LYSMD2: variants seen among roughly 807,000 people sequenced by gnomAD.
LYSMD2 encodes LysM domain containing 2.
A neutral mutation model predicts 17.7 loss-of-function variants in LYSMD2; 6 were observed. The observed-to-expected ratio is 0.34, with a 90% CI of 0.19 to 0.67. The LOEUF (loss-of-function observed/expected upper bound fraction) is 0.67, where lower values mean the gene tolerates loss of function less well. Ranked by LOEUF, LYSMD2 falls within the 30% of genes least tolerant of loss-of-function variation. The pLI is 0.69. For missense variants in LYSMD2, 237 were observed against 286.7 expected (o/e 0.83, Z 1.25); for synonymous variants, 102 against 129.8 (o/e 0.79, Z 1.45).
chr15:51,751,319 G>GA, exon 1 of LYSMD2: 1 of 702,676 alleles, frequency 1.4e-6, no homozygotes, highest in Non-Finnish European at 2.6e-6. Flanking sequence ...TCGCTCACAG[G>GA]AATGCTCATC....
At chr15:51,747,775 A>G (rs954734255) in intron 1 of LYSMD2, among the ~76,000 whole-genome samples, 1 of 152,216 alleles carries the variant, frequency 6.6e-6, no homozygotes, top group African/African-American at 2.4e-5. Flanking sequence ...ATCATTTAAC[A>G]TGATCATGAT....
rs759402003 is a variant in LYSMD2, at chr15:51,723,644, T to C, written c.611A>G (p.Glu204Gly). 1 of 1,601,342 alleles carries C rather than the reference T, an allele frequency of 6.2e-7. No homozygotes were observed. The highest frequency in any genetic ancestry group is 1.1e-5 in the South Asian group (1 of 89,270). The change falls in exon 3 of 3, where the codon GAA becomes GGA. Residue 204 changes from glutamate (E) to glycine (G), a missense_variant. Transcript: ENST00000267838. ...GAGGGAAGTTGCATAGGGACTTTCT[T>C]CATCTCTGAAAGAAAATAAATACAG... is the stretch of plus-strand genomic sequence containing the variant. ...AKKLKEESRDEESPYATSLYH... is the reference protein window; with the variant it reads ...AKKLKEESRDGESPYATSLYH...
At chr15:51,743,778 C>G (rs1213029503) in intron 1 of LYSMD2, among the ~76,000 whole-genome samples, 1 of 152,156 alleles carries the variant, frequency 6.6e-6, no homozygotes, top group Non-Finnish European at 1.5e-5. Context: ...TTATTCATAT[C>G]TTCTTTTATT....
exon 1 of LYSMD2, chr15:51,751,350 C>T: frequency 1.4e-6 from 1 of 702,370 alleles, no homozygotes; most frequent in Non-Finnish European, 2.6e-6. Context: ...AAGCCTTTGC[C>T]ATCCACGCTC....
intron 1 of LYSMD2, among the ~76,000 whole-genome samples, chr15:51,729,423 A>G (rs1237921897): frequency 1.3e-5 from 2 of 152,150 alleles, no homozygotes; most frequent in African/African-American, 4.8e-5. Flanking sequence ...AAATGGTGAA[A>G]CGATGTTTTC....
chr15:51,736,343 C>T (rs2055608515), intron 1 of LYSMD2, among the ~76,000 whole-genome samples: 1 of 152,198 alleles, frequency 6.6e-6, no homozygotes, highest in Admixed American at 6.5e-5. Context: ...TGGGGCTCTC[C>T]ATGGCATGAT....
intron 1 of LYSMD2, among the ~76,000 whole-genome samples, chr15:51,749,536 T>C (rs1309280678): frequency 1.3e-5 from 2 of 152,234 alleles, no homozygotes; most frequent in African/African-American, 2.4e-5. Context: ...AGGAATACTC[T>C]ATTCGTTTTA....
rs1190708782 is a variant in LYSMD2 at position 51,723,129 on chromosome 15, G to A, written c.*478C>T. The A allele has an allele frequency of 6.6e-6, 1 of 151,274 alleles. No homozygotes were observed. Among genetic ancestry groups the A allele is most frequent in the African/African-American group, 2.4e-5 (1 of 41,182 alleles). 9.4% of individuals were successfully genotyped at this position (151,274 alleles called of 1,614,324 possible). On this transcript the variant is annotated 3_prime_UTR_variant, in exon 3 of 3. Coordinates refer to ENST00000267838, the MANE Select transcript of LYSMD2 (RefSeq NM_153374.3). ...TGTAGTTTATTTTTACAAAATAGCA[G>A]ACAAAATTTGGTTCTTTATATTAAT...
At chr15:51,735,817 C>T (rs1428282684) in intron 1 of LYSMD2, among the ~76,000 whole-genome samples, 1 of 152,142 alleles carries the variant, frequency 6.6e-6, no homozygotes, top group African/African-American at 2.4e-5. Flanking sequence ...AGAGATTGCA[C>T]GGGAAGACAG....
At chr15:51,726,563 G>T (rs756598722) in intron 1 of LYSMD2, among the ~76,000 whole-genome samples, 5 of 152,228 alleles carry the variant, frequency 3.3e-5, no homozygotes, top group Non-Finnish European at 5.9e-5. Flanking sequence ...ACTCCTGCAG[G>T]ACGGTAGTCG....
rs1042609939 is a variant in LYSMD2, at chr15:51,751,327, A to AT, written c.-58dup. On this transcript the variant is annotated 5_prime_UTR_variant, in exon 1 of 3. Transcript: ENST00000454181. ...AGGATGCTCGCTCACAGGAATGCTC[A>AT]TCACAGGCTTGAAAGCCTTTGCCAT... The AT allele has an allele frequency of 1.3e-4, 90 of 701,936 alleles. No individual in the cohort carries two copies. The Admixed American group carries it at 1.8e-3, about 14-fold the overall frequency. The allele number at this position is 701,936 out of a possible 1,614,324, so 43.5% of individuals were successfully genotyped here. A position where few individuals can be genotyped will look rare whatever the true frequency, so the allele number is the denominator to read the frequency against.
Position 51,737,262 on chromosome 15 carries a change from T to TGCCCCCCCCCCCCCCC in LYSMD2, c.273+87_273+88insGGGGGGGGGGGGGGGC. The TGCCCCCCCCCCCCCCC allele has an allele frequency of 7.5e-6, 1 of 134,040 alleles. No individual in the cohort carries two copies. Among genetic ancestry groups the TGCCCCCCCCCCCCCCC allele is most frequent in the East Asian group, 1.9e-4 (1 of 5,308 alleles). 8.3% of individuals were successfully genotyped at this position (134,040 alleles called of 1,614,324 possible). ...CCATCCCCCAAACCCCCACCCGCAG[T>TGCCCCCCCCCCCCCCC]CCCACCCCCACCCCCACCGCACCCC... On this transcript the variant is annotated intron_variant, in intron 1 of 2. Transcript: ENST00000267838. The surrounding 1 kb of genome is among the most constrained non-coding windows in gnomAD (Gnocchi z 4.2).
At chr15:51,736,569 G>A (rs2055610379) in intron 1 of LYSMD2, among the ~76,000 whole-genome samples, 1 of 152,142 alleles carries the variant, frequency 6.6e-6, no homozygotes, top group Admixed American at 6.5e-5. Flanking sequence ...GGTGCTTCAG[G>A]AAAGAACACT....
intron 1 of LYSMD2, among the ~76,000 whole-genome samples, chr15:51,746,364 T>C (rs2055667337): frequency 6.6e-6 from 1 of 152,224 alleles, no homozygotes; most frequent in Admixed American, 6.5e-5. Flanking sequence ...GACAACATGT[T>C]GTATGATTCC....
chr15:51,743,660 C>G (rs2055653669), intron 1 of LYSMD2, among the ~76,000 whole-genome samples: 1 of 152,216 alleles, frequency 6.6e-6, no homozygotes, highest in Admixed American at 6.5e-5. Context: ...CACAAAGTAA[C>G]TTGTGATTTT....
At chr15:51,737,914 C>G (rs2055623267), upstream of LYSMD2, 1 of 226,592 alleles carries the variant, frequency 4.4e-6, no homozygotes, top group African/African-American at 2.3e-5. The surrounding 1 kb of genome is among the most constrained non-coding windows in gnomAD (Gnocchi z 4.2). Context: ...GCGAGGGAGC[C>G]GGGGAGCGCT....
At chr15:51,723,771 C>T (rs912835817) in intron 2 of LYSMD2, 122 bp from the exon 3 acceptor site, 17 of 629,838 alleles carry the variant, frequency 2.7e-5, no homozygotes, top group African/African-American at 1.9e-4. Flanking sequence ...GAATATTGTG[C>T]ATGCCTAGAC....
intron 1 of LYSMD2, among the ~76,000 whole-genome samples, chr15:51,745,212 C>CA (rs2055661492): frequency 2.0e-5 from 3 of 151,988 alleles, no homozygotes; most frequent in African/African-American, 7.2e-5. Context: ...TAATCTTTTG[C>CA]AAACACTTCC....
At chr15:51,734,425 G>A (rs1367365465) in intron 1 of LYSMD2, among the ~76,000 whole-genome samples, 1 of 152,152 alleles carries the variant, frequency 6.6e-6, no homozygotes, top group Non-Finnish European at 1.5e-5. Context: ...TTGTAATCCA[G>A]GGCTGGCAAC....
Sources: allele counts gnomAD v4.1 joint callset (sites outside exome capture counted in the v4.1 genomes callset), GRCh38; gene constraint gnomAD v4.1.1; non-coding constraint Gnocchi (gnomAD v3.1); transcripts MANE v1.5; gene names NCBI Gene and HGNC (gene_info 2026-07-23, HGNC 2026-07-21).